The following CR2 variants were observed in gnomAD, a reference collection of about 807,000 sequenced individuals.
CR2 encodes the protein complement C3d receptor 2, also known as complement receptor type 2.
A neutral mutation model predicts 123.0 loss-of-function variants in CR2; 96 were observed. That is an observed-to-expected ratio of 0.78 (90% CI 0.66 to 0.93). The LOEUF is 0.93. Among genes scored for constraint, CR2 ranks in the 40% least tolerant of loss-of-function variants. The pLI, the probability that CR2 is intolerant of heterozygous loss-of-function variation, is 0.00. For synonymous variants in CR2, 484 were observed against 469.5 expected (o/e 1.03, Z -0.40); for missense variants, 1,258 against 1,361.0 (o/e 0.92, Z 1.19).
intron 9 of CR2, 146 bp downstream of exon 9, chr1:207,471,645 A>T: frequency 1.4e-6 from 1 of 693,626 alleles, no homozygotes; most frequent in Non-Finnish European, 2.6e-6. Context: ...GCACAGTTTT[A>T]CCATGTCTTT....
chr1:207,454,437 C>G lies in CR2; in HGVS notation c.19C>G (p.Leu7Val), dbSNP rs1054701948. 6.3e-7 allele frequency: 1 copy of G among 1,585,576 alleles called. No individual in the cohort carries two copies. The highest frequency in any genetic ancestry group is 8.5e-7 in the Non-Finnish European group (1 of 1,172,438). Residue 7 changes from leucine to valine, a missense_variant, in exon 1 of 20, where the codon CTC becomes GTC. Coordinates refer to ENST00000367057, the MANE Select transcript of CR2 (RefSeq NM_001006658.3). The surrounding 1 kb of genome is among the most constrained non-coding windows in gnomAD (Gnocchi z 4.3). ...CCGTGGCATGGGCGCCGCGGGCCTG[C>G]TCGGGGTTTTCTTGGCTCTCGTCGC... MGAAGL[L>V]GVFLALVAPG...
At chr1:207,481,692 A>G (rs1042536866) in intron 18 of CR2, among the ~76,000 whole-genome samples, 3 of 152,056 alleles carry the variant, frequency 2.0e-5, no homozygotes, top group Non-Finnish European at 4.4e-5. Context: ...AATTATTCAG[A>G]TGTTTTGTTA....
intron 1 of CR2, among the ~76,000 whole-genome samples, chr1:207,463,418 G>A (rs1158656846): frequency 6.6e-6 from 1 of 152,126 alleles, no homozygotes; most frequent in Non-Finnish European, 1.5e-5. Context: ...CAGCTAGAGA[G>A]GATCCCTAGA....
intron 4 of CR2, 60 bp downstream of exon 4, chr1:207,468,959 A>G: frequency 1.3e-6 from 2 of 1,567,248 alleles, no homozygotes; most frequent in Non-Finnish European, 1.8e-6. Flanking sequence ...CGTGGTGTGG[A>G]CTGTGAAACC....
intron 18 of CR2, among the ~76,000 whole-genome samples, chr1:207,480,262 T>C (rs925249820): frequency 1.3e-5 from 2 of 152,204 alleles, no homozygotes; most frequent in South Asian, 4.1e-4. Flanking sequence ...ATGATGTTTA[T>C]TCAGATAGTA....
At chr1:207,476,699 A>G (rs1188829518) in intron 15 of CR2, among the ~76,000 whole-genome samples, 1 of 152,240 alleles carries the variant, frequency 6.6e-6, no homozygotes, top group African/African-American at 2.4e-5. Flanking sequence ...GATTGTATTT[A>G]CACACTGTAG....
chr1:207,457,928 A>C (rs1028978828), intron 1 of CR2, among the ~76,000 whole-genome samples: 1 of 152,002 alleles, frequency 6.6e-6, no homozygotes, highest in Admixed American at 6.6e-5. Context: ...CATATTTATT[A>C]TCTATAGTTC....
chr1:207,485,481 C>A lies in CR2; in HGVS notation c.3206C>A (p.Thr1069Lys), dbSNP rs1012170826. Residue 1069 changes from threonine to lysine, a missense_variant, in exon 19 of 20, where the codon ACA becomes AAA. Coordinates refer to ENST00000367057, the MANE Select transcript of CR2 (RefSeq NM_001006658.3). ...CTGTTTAGCAATTATTATACAGATACAAGCCAGAAAGAAGCTTTTCATTTA... is the reference window on the plus strand; with the variant it reads ...CTGTTTAGCAATTATTATACAGATAAAAGCCAGAAAGAAGCTTTTCATTTA... ...KHRARNYYTDTSQKEAFHLEA... is the reference protein window; with the variant it reads ...KHRARNYYTDKSQKEAFHLEA... 1 of 1,608,932 alleles carries A rather than the reference C, an allele frequency of 6.2e-7. No individual in the cohort carries two copies. The highest frequency in any genetic ancestry group is 2.2e-5 in the East Asian group (1 of 44,806).
Position 207,474,263 on chromosome 1 carries a change from T to C in CR2, c.2263T>C (p.Tyr755His). The stretch of plus-strand genomic sequence containing the variant: ...TAGGTACCAGTTGACTGGACATGCT[T>C]ATCAGATGTGTCAAGATGCTGAAAA... ...QDGYQLTGHA[Y>H]QMCQDAENGI... is the part of the protein sequence containing the mutation. The change falls in exon 13 of 20, where the codon TAT becomes CAT. Residue 755 changes from tyrosine (Y) to histidine (H), a missense_variant. Transcript: ENST00000367057. The C allele has an allele frequency of 6.2e-7, 1 of 1,613,326 alleles. No homozygotes were observed. Among genetic ancestry groups the C allele is most frequent in the Non-Finnish European group, 8.5e-7 (1 of 1,179,334 alleles).
At chr1:207,469,048 T>G in intron 4 of CR2, 102 bp from the exon 5 acceptor site, 1 of 1,330,118 alleles carries the variant, frequency 7.5e-7, no homozygotes, top group South Asian at 1.2e-5. Context: ...AAGGAACAGA[T>G]GCACACTGAT....
At chr1:207,465,720 C>G (rs1658081596) in intron 1 of CR2, among the ~76,000 whole-genome samples, 1 of 152,188 alleles carries the variant, frequency 6.6e-6, no homozygotes, top group African/African-American at 2.4e-5. Context: ...TCCCTTTATT[C>G]TGAGACTCCC....
intron 2 of CR2, 149 bp downstream of exon 2, chr1:207,467,061 T>C: frequency 2.0e-6 from 2 of 992,230 alleles, no homozygotes; most frequent in Non-Finnish European, 2.8e-6. Flanking sequence ...AAGTTATGGC[T>C]TCTTCGTGGA....
In CR2 at chr1:207,473,617, T is replaced by C; in HGVS notation, c.2051T>C (p.Met684Thr). Residue 684 changes from methionine to threonine, a missense_variant, in exon 11 of 20, where the codon ATG becomes ACG. By Grantham distance (81) the Met-to-Thr change is moderately conservative. Coordinates refer to ENST00000367057, the MANE Select transcript of CR2 (RefSeq NM_001006658.3). Reference protein sequence around the residue: ...GGNTVFFVSGMTVDYTCDPGY... With the variant: ...GGNTVFFVSGTTVDYTCDPGY... ...AATACGGTCTTCTTTGTCTCTGGGA[T>C]GACTGTAGACTACACTTGTGACCCT... is the stretch of plus-strand genomic sequence containing the variant. 2 of 1,614,012 alleles carry C rather than the reference T, an allele frequency of 1.2e-6. No individual in the cohort carries two copies. Among genetic ancestry groups the C allele is most frequent in the Non-Finnish European group, 1.7e-6 (2 of 1,179,884 alleles).
At position 207,468,702 on chromosome 1, in the gene CR2, C is replaced by T. The variant is rs573346582; in HGVS notation, c.621C>T (p.Pro207=). The T allele has an allele frequency of 3.0e-5, 48 of 1,613,858 alleles. No individual in the cohort carries two copies. The Middle Eastern group carries it at 6.6e-4, about 22-fold the overall frequency. ...CTTCGGGAAAATGGAGTGCTGTCCC[C>T]CCCACATGTGAAGGTACCCTAAATT... is the stretch of plus-strand genomic sequence containing the variant. The part of the protein sequence containing the change: ...CLSSGKWSAV[P]PTCEEARCKS... Residue 207 remains proline, a synonymous_variant, in exon 3 of 20, where the codon CCC becomes CCT. Coordinates refer to ENST00000367057, the MANE Select transcript of CR2 (RefSeq NM_001006658.3).
rs1236976463 is a variant in CR2, at chr1:207,454,396, G to A, written c.-23G>A. ...GCTCGCGGGTCTCGGAACGCATCCC[G>A]CCGCGGGGGCTTCGGCCGTGGCATG... On this transcript the variant is annotated 5_prime_UTR_variant, in exon 1 of 20. Coordinates refer to ENST00000367057, the MANE Select transcript of CR2 (RefSeq NM_001006658.3). This position sits in a 1 kb window ranked among gnomAD's most constrained non-coding sequence, Gnocchi z 4.3. 3.2e-6 allele frequency: 5 copies of A among 1,566,998 alleles called. No homozygotes were observed. The highest frequency in any genetic ancestry group is 2.3e-5 in the East Asian group (1 of 43,328).
intron 9 of CR2, among the ~76,000 whole-genome samples, chr1:207,472,186 T>C (rs1187015803): frequency 6.6e-6 from 1 of 151,964 alleles, no homozygotes; most frequent in Non-Finnish European, 1.5e-5. Flanking sequence ...GAGGCGGAGA[T>C]TGCAGTGAGC....
At chr1:207,458,336 C>T (rs1657890185) in intron 1 of CR2, among the ~76,000 whole-genome samples, 1 of 151,810 alleles carries the variant, frequency 6.6e-6, no homozygotes. Flanking sequence ...CAGTTCGATC[C>T]ACTCTCTACC....
intron 1 of CR2, among the ~76,000 whole-genome samples, chr1:207,460,418 G>C (rs1433745218): frequency 6.6e-6 from 1 of 152,164 alleles, no homozygotes; most frequent in Non-Finnish European, 1.5e-5. Context: ...GCTGTGTTTT[G>C]GGAGCTTTGT....
intron 5 of CR2, 116 bp from the exon 6 acceptor site, chr1:207,469,579 A>G: frequency 1.0e-6 from 1 of 961,530 alleles, no homozygotes; most frequent in Non-Finnish European, 1.7e-6. Flanking sequence ...GCCTTGACTG[A>G]TTCATTATAG....
Sources: gnomAD v4.1 joint callset for allele counts (sites outside exome capture counted in the v4.1 genomes callset) on GRCh38, gnomAD v4.1.1 for gene constraint, Gnocchi (gnomAD v3.1) non-coding constraint, MANE v1.5 for transcripts, NCBI Gene and HGNC (gene_info 2026-07-23, HGNC 2026-07-21) for gene names.